Variants in TSPEAR observed in about 807,000 individuals in gnomAD.
The protein encoded by TSPEAR is thrombospondin-type laminin G domain and EAR repeat-containing protein.
Under a neutral mutation model 71.6 loss-of-function variants are expected in TSPEAR, and 69 were observed. The observed-to-expected ratio is 0.96, with a 90% CI of 0.79 to 1.18. The LOEUF is 1.18. Ranked by LOEUF, TSPEAR falls within the 50% of genes most tolerant of loss-of-function variation. TSPEAR has a pLI of 0.00. For synonymous variants in TSPEAR, 402 were observed against 387.2 expected, an observed-to-expected ratio of 1.04 and a Z score of -0.45; for missense variants, 971 against 894.9, an observed-to-expected ratio of 1.09 and a Z score of -1.09.
At position 44,612,223 on chromosome 21, in the gene TSPEAR, G is replaced by A; in HGVS notation, c.83-44218C>T. ...CCAGCACCTGCACTGGCTCCTCCTG[G>A]CAGGTGGACAATTGCCAGGAAAGCT... On this transcript the variant is annotated intron_variant, in intron 1 of 11. Transcript: ENST00000323084. The surrounding 1 kb of genome is among the most constrained non-coding windows in gnomAD (Gnocchi z 4.1). 1.2e-6 allele frequency: 2 copies of A among 1,613,826 alleles called. No homozygotes were observed. The highest frequency in any genetic ancestry group is 1.7e-6 in the Non-Finnish European group (2 of 1,179,998).
At chr21:44,629,739 T>C (rs927715701) in intron 1 of TSPEAR, among the ~76,000 whole-genome samples, 10 of 152,222 alleles carry the variant, frequency 6.6e-5, no homozygotes, top group African/African-American at 2.4e-4. Flanking sequence ...CATGGACTCC[T>C]TCACCTGCTG....
chr21:44,614,348 C>T (rs147371092), intron 1 of TSPEAR, among the ~76,000 whole-genome samples: 9 of 152,388 alleles, frequency 5.9e-5, no homozygotes, highest in Non-Finnish European at 1.0e-4. Context: ...CCCAGAGACA[C>T]GACCAGTAGT....
chr21:44,580,482 T>G, intron 1 of TSPEAR: 2 of 1,613,046 alleles, frequency 1.2e-6, no homozygotes, highest in South Asian at 1.1e-5. Flanking sequence ...CAGGGGGCGG[T>G]GCCGCAGGGG....
In TSPEAR at chr21:44,624,948, C is replaced by T. The variant is rs367869885; in HGVS notation, c.83-56943G>A. Among the ~76,000 whole-genome samples, 20 of 152,280 alleles carry T rather than the reference C, an allele frequency of 1.3e-4. 1 individual carries two copies. In the South Asian group the frequency reaches 4.1e-3, roughly 32 times the overall value. ...TCAAATAGAGATTTTGTTTGTTAAA[C>T]CAGGTTTCCTAACTTTTCTCAGCTA... On this transcript the variant is annotated intron_variant, in intron 1 of 11. Coordinates refer to ENST00000323084, the MANE Select transcript of TSPEAR (RefSeq NM_144991.3).
At chr21:44,696,289 T>C (rs1569264665) in intron 1 of TSPEAR, among the ~76,000 whole-genome samples, 2 of 152,218 alleles carry the variant, frequency 1.3e-5, no homozygotes, top group Non-Finnish European at 2.9e-5. Context: ...CAATCTGGGT[T>C]TCTCATTCTG....
chr21:44,703,050 C>T (rs1361635571), intron 1 of TSPEAR, among the ~76,000 whole-genome samples: 1 of 151,960 alleles, frequency 6.6e-6, no homozygotes, highest in East Asian at 1.9e-4. Context: ...CCCCCATAGC[C>T]ACAGGAGGTC....
chr21:44,678,793 T>C (rs1986443467), intron 1 of TSPEAR, among the ~76,000 whole-genome samples: 1 of 152,042 alleles, frequency 6.6e-6, no homozygotes, highest in South Asian at 2.1e-4. Flanking sequence ...GGATACAAAA[T>C]CAACATATAA....
intron 1 of TSPEAR, among the ~76,000 whole-genome samples, chr21:44,659,493 C>A (rs1226110755): frequency 6.6e-6 from 1 of 152,080 alleles, no homozygotes; most frequent in Non-Finnish European, 1.5e-5. Context: ...AATGGCCTGA[C>A]AGGAAAAGAG....
At chr21:44,604,095 C>T (rs782073946) in intron 1 of TSPEAR, among the ~76,000 whole-genome samples, 15 of 152,328 alleles carry the variant, frequency 9.8e-5, no homozygotes, top group South Asian at 4.1e-4. Context: ...GCCACTTCCA[C>T]GCCACAGGTT....
rs1341004499 is a variant in TSPEAR, at chr21:44,508,531, C to T, written c.1754+668G>A. ...ATACGGATTCGATTGCAGGTTTATT[C>T]ACAGACCGGAATTCCACCCCAGAGG... On this transcript the variant is annotated intron_variant, in intron 10 of 11. Transcript: ENST00000323084. The T allele has an allele frequency of 5.4e-6, 6 of 1,106,152 alleles. No individual in the cohort carries two copies. In the East Asian group the frequency reaches 3.4e-4, roughly 62 times the overall value. The allele number at this position is 1,106,152 out of a possible 1,614,324, so 68.5% of individuals were successfully genotyped here.
In TSPEAR at chr21:44,521,072, C is replaced by T. The variant is rs74464426; in HGVS notation, c.1566+811G>A. Reference sequence around the variant, plus strand: ...ACATTTCTGCAGGGGAATGAGTCGCCAGGTCAGGGGGCACAGAAGATTCCA... The same window carrying T: ...ACATTTCTGCAGGGGAATGAGTCGCTAGGTCAGGGGGCACAGAAGATTCCA... On this transcript the variant is annotated intron_variant, in intron 9 of 11. Transcript: ENST00000323084. Among the ~76,000 whole-genome samples, 312 of 152,276 alleles carry T rather than the reference C, an allele frequency of 2.0e-3. 3 individuals are homozygous for T. Among genetic ancestry groups the T allele is most frequent in the African/African-American group, 7.2e-3 (300 of 41,544 alleles).
At position 44,499,559 on chromosome 21, in the gene TSPEAR, C is replaced by T. The variant is rs1279669221; in HGVS notation, c.*224G>A. On this transcript the variant is annotated 3_prime_UTR_variant, in exon 12 of 12. Transcript: ENST00000323084. Reference sequence around the variant, plus strand: ...ACTGGCAGGGGCTCTGGGCCTCTGCCTGCAAGACCAGACCGTCACTGGGGC... The same window carrying T: ...ACTGGCAGGGGCTCTGGGCCTCTGCTTGCAAGACCAGACCGTCACTGGGGC... 9 of 519,168 alleles carry T rather than the reference C, an allele frequency of 1.7e-5. No individual in the cohort carries two copies. The highest frequency in any genetic ancestry group is 1.6e-4 in the African/African-American group (8 of 49,254). 32.2% of individuals were successfully genotyped at this position (519,168 alleles called of 1,614,324 possible). A position where few individuals can be genotyped will look rare whatever the true frequency, so the allele number is the denominator to read the frequency against.
At chr21:44,580,033 G>A in intron 1 of TSPEAR, 1 of 1,594,910 alleles carries the variant, frequency 6.3e-7, no homozygotes, top group Non-Finnish European at 8.6e-7. Context: ...TGGGTTTGCA[G>A]CAGACAGGCT....
At chr21:44,610,605 C>T (rs1390763056) in intron 1 of TSPEAR, among the ~76,000 whole-genome samples, 1 of 152,218 alleles carries the variant, frequency 6.6e-6, no homozygotes, top group Non-Finnish European at 1.5e-5. Context: ...AAATGTAGGG[C>T]CAGGGCCCCC....
At chr21:44,661,666 C>T (rs1985503622) in intron 1 of TSPEAR, among the ~76,000 whole-genome samples, 1 of 152,138 alleles carries the variant, frequency 6.6e-6, no homozygotes, top group Non-Finnish European at 1.5e-5. Flanking sequence ...GGCATCTGCT[C>T]AGCTTCTGGG....
intron 2 of TSPEAR, among the ~76,000 whole-genome samples, chr21:44,536,616 C>T (rs939544131): frequency 1.1e-4 from 16 of 152,250 alleles, no homozygotes. Context: ...GACGCTTTCT[C>T]ATGAAAGTCA....
At chr21:44,635,642 T>C (rs78869388) in intron 1 of TSPEAR, among the ~76,000 whole-genome samples, 2,170 of 152,102 alleles carry the variant, frequency 0.014, 62 homozygotes, top group African/African-American at 0.05. Flanking sequence ...CAGAATAGTA[T>C]TGGTTGCCAG....
intron 1 of TSPEAR, among the ~76,000 whole-genome samples, chr21:44,596,042 G>A (rs1555927574): frequency 6.6e-6 from 1 of 152,150 alleles, no homozygotes; most frequent in Non-Finnish European, 1.5e-5. Flanking sequence ...TTAAATTGGG[G>A]TCTCTGTAGG....
chr21:44,612,425 T>TGCAC lies in TSPEAR; in HGVS notation c.83-44424_83-44421dup, dbSNP rs1555931340. ...GCAGTCTAGCTGCCAGCCGGCTTGCTGCACCTCCTCCCCCTGCCAACAGGC... is the reference window on the plus strand; with the variant it reads ...GCAGTCTAGCTGCCAGCCGGCTTGCTGCACGCACCTCCTCCCCCTGCCAACAGGC... On this transcript the variant is annotated intron_variant, in intron 1 of 11. Coordinates refer to ENST00000323084, the MANE Select transcript of TSPEAR (RefSeq NM_144991.3). This position sits in a 1 kb window ranked among gnomAD's most constrained non-coding sequence, Gnocchi z 4.1. 5 of 1,613,960 alleles carry TGCAC rather than the reference T, an allele frequency of 3.1e-6. No homozygotes were observed. Among genetic ancestry groups the TGCAC allele is most frequent in the Non-Finnish European group, 4.2e-6 (5 of 1,180,014 alleles).
Sources: gnomAD v4.1 joint callset for allele counts (sites outside exome capture counted in the v4.1 genomes callset) on GRCh38, gnomAD v4.1.1 for gene constraint, Gnocchi (gnomAD v3.1) non-coding constraint, MANE v1.5 for transcripts, NCBI Gene and HGNC (gene_info 2026-07-23, HGNC 2026-07-21) for gene names.